Variants in DIAPH2 observed in about 807,000 individuals in gnomAD.
DIAPH2 encodes protein diaphanous homolog 2.
Under a neutral mutation model 92.7 loss-of-function variants are expected in DIAPH2, and 35 were observed. The ratio of observed to expected loss-of-function variants is 0.38; its 90% CI spans 0.29 to 0.50. The LOEUF is 0.50. DIAPH2 is among the 20% of genes least tolerant of loss of function. DIAPH2 has a pLI of 0.94. For synonymous variants in DIAPH2, 301 were observed against 280.4 expected (o/e 1.07, Z -0.73); for missense variants, 701 against 819.5 (o/e 0.86, Z 1.77).
intron 26 of DIAPH2, among the ~76,000 whole-genome samples, chrX:97,506,451 CTTTTTTTT>C (rs34941076): frequency 1.8e-5 from 1 of 55,499 alleles, no homozygotes; most frequent in African/African-American, 5.9e-5. Context: ...ATGCCCAGCC[CTTTTTTTT>C]TTTTTTTTTT....
In DIAPH2 at chrX:96,958,005, C is replaced by G. The variant is rs372343336; in HGVS notation, c.1792C>G (p.Leu598Val). 1 of 1,208,288 alleles carries G rather than the reference C, an allele frequency of 8.3e-7. No individual in the cohort carries two copies. Among genetic ancestry groups the G allele is most frequent in the Admixed American group, 2.2e-5 (1 of 45,625 alleles). The change falls in exon 16 of 27, where the codon CTT (leucine) becomes GTT (valine). Residue 598 changes from leucine to valine, a missense_variant. Coordinates refer to ENST00000324765, the MANE Select transcript of DIAPH2 (RefSeq NM_006729.5). ...MGIPPPPPPP[L>V]LFGGPPPPPP... ...GATACCACCACCACCCCCACCACCA[C>G]TTTTATTTGGGGGACCTCCTCCACC...
chrX:96,773,790 T>G (rs930659994), intron 4 of DIAPH2, among the ~76,000 whole-genome samples: 3 of 111,316 alleles, frequency 2.7e-5, no homozygotes, highest in Admixed American at 1.9e-4. Flanking sequence ...GAGGTTGCAG[T>G]GAGCTGAGAT....
chrX:97,413,933 G>T (rs2069909384), intron 25 of DIAPH2, among the ~76,000 whole-genome samples: 1 of 111,986 alleles, frequency 8.9e-6, no homozygotes, highest in Admixed American at 9.5e-5. Context: ...AATATTCCAT[G>T]CTCATGGATA....
chrX:96,851,698 G>A (rs2065007283), intron 4 of DIAPH2, among the ~76,000 whole-genome samples: 1 of 111,990 alleles, frequency 8.9e-6, no homozygotes, highest in South Asian at 3.7e-4. Flanking sequence ...TTTTTGATCT[G>A]CAACTGGCTG....
At chrX:97,597,132 C>T (rs2071557615) in intron 26 of DIAPH2, among the ~76,000 whole-genome samples, 4 of 111,155 alleles carry the variant, frequency 3.6e-5, no homozygotes, top group Middle Eastern at 4.6e-3. Flanking sequence ...TTATAATTAT[C>T]TCATTAATAT....
intron 4 of DIAPH2, among the ~76,000 whole-genome samples, chrX:96,808,668 G>C (rs2064649064): frequency 8.9e-6 from 1 of 111,867 alleles, no homozygotes; most frequent in Admixed American, 9.5e-5. Flanking sequence ...CTAGTACTCT[G>C]TCAGGAACTT....
chrX:97,389,551 C>T (rs1443237937), intron 25 of DIAPH2, among the ~76,000 whole-genome samples: 1 of 110,149 alleles, frequency 9.1e-6, no homozygotes, highest in African/African-American at 3.3e-5. Flanking sequence ...TTCCTACGCT[C>T]CTCCAAGTGT....
intron 25 of DIAPH2, among the ~76,000 whole-genome samples, chrX:97,389,835 G>A (rs946437409): frequency 9.1e-6 from 1 of 110,303 alleles, no homozygotes; most frequent in Non-Finnish European, 1.9e-5. Flanking sequence ...GTAGGGGGCT[G>A]GAAAATTGGA....
At chrX:97,304,042 A>C (rs1602493599) in intron 23 of DIAPH2, among the ~76,000 whole-genome samples, 1 of 111,973 alleles carries the variant, frequency 8.9e-6, no homozygotes, top group East Asian at 2.8e-4. Context: ...AAAAAAATCA[A>C]ATAGGATTAT....
chrX:97,061,100 T>C (rs1396701491), intron 17 of DIAPH2, among the ~76,000 whole-genome samples: 3 of 112,597 alleles, frequency 2.7e-5, no homozygotes, highest in Non-Finnish European at 5.6e-5. Flanking sequence ...GTTGACTCCA[T>C]TTACTTTGAT....
chrX:97,499,890 C>T (rs1899116876), intron 26 of DIAPH2, among the ~76,000 whole-genome samples: 1 of 112,339 alleles, frequency 8.9e-6, no homozygotes, highest in South Asian at 3.7e-4. Context: ...TCACTGAATT[C>T]CCCTTGCTCT....
At chrX:97,029,646 T>G (rs1020066192) in intron 17 of DIAPH2, among the ~76,000 whole-genome samples, 4 of 111,807 alleles carry the variant, frequency 3.6e-5, no homozygotes, top group Non-Finnish European at 7.5e-5. Flanking sequence ...ATAATTTCAT[T>G]GTTTTACCTA....
intron 26 of DIAPH2, among the ~76,000 whole-genome samples, chrX:97,446,600 T>A (rs2070313149): frequency 1.8e-5 from 2 of 111,834 alleles, no homozygotes; most frequent in Admixed American, 9.5e-5. Context: ...CGTGTTTTTG[T>A]TTTGTTTTGT....
intron 5 of DIAPH2, among the ~76,000 whole-genome samples, chrX:96,897,813 G>T (rs1163945987): frequency 1.1e-5 from 1 of 94,689 alleles, no homozygotes; most frequent in Non-Finnish European, 2.1e-5. Context: ...CCATGCTGGT[G>T]TGCTGCACCC....
intron 14 of DIAPH2, among the ~76,000 whole-genome samples, chrX:96,947,618 C>G (rs1478041576): frequency 1.8e-5 from 2 of 111,403 alleles, no homozygotes; most frequent in Non-Finnish European, 3.8e-5. Context: ...AGTTTGCTCA[C>G]CCACTCTTCA....
chrX:97,072,004 TTCTTA>T (rs1305006839), intron 17 of DIAPH2, among the ~76,000 whole-genome samples: 3 of 112,158 alleles, frequency 2.7e-5, no homozygotes, highest in Non-Finnish European at 5.6e-5. Flanking sequence ...AGCTTTACTT[TTCTTA>T]TATTTTCTGA....
intron 17 of DIAPH2, among the ~76,000 whole-genome samples, chrX:97,047,722 A>G (rs190210893): frequency 6.8e-4 from 73 of 107,982 alleles, no homozygotes; most frequent in African/African-American, 2.5e-3. Flanking sequence ...CCTCAGTTCC[A>G]TAAACCAAAA....
intron 26 of DIAPH2, among the ~76,000 whole-genome samples, chrX:97,585,577 CTAAG>C (rs1001430190): frequency 3.2e-5 from 1 of 31,278 alleles, no homozygotes; most frequent in African/African-American, 6.4e-5. Context: ...TACTGCTTTC[CTAAG>C]TAAAAAAAAA....
At chrX:96,791,449 G>A (rs757277373) in intron 4 of DIAPH2, among the ~76,000 whole-genome samples, 180 of 110,104 alleles carry the variant, frequency 1.6e-3, no homozygotes, top group Non-Finnish European at 2.6e-3. Context: ...GAGGCATGAG[G>A]ATTGCTTGAA....
Sources: allele counts gnomAD v4.1 joint callset (sites outside exome capture counted in the v4.1 genomes callset), GRCh38; gene constraint gnomAD v4.1.1; transcripts MANE v1.5; gene names NCBI Gene and HGNC (gene_info 2026-07-23, HGNC 2026-07-21).